ARHGAP15: variants seen among roughly 807,000 people sequenced by gnomAD.
The protein encoded by ARHGAP15 is rho GTPase-activating protein 15.
A neutral mutation model predicts 63.7 loss-of-function variants in ARHGAP15; 51 were observed. The ratio of observed to expected loss-of-function variants is 0.80; its 90% CI spans 0.64 to 1.01. The LOEUF (loss-of-function observed/expected upper bound fraction) is 1.01, where lower values mean the gene tolerates loss of function less well. Among genes scored for constraint, ARHGAP15 ranks in the 50% least tolerant of loss-of-function variants. The probability of loss-of-function intolerance (pLI) is 0.00; values close to 1 mark genes in which losing one functional copy is unlikely to be tolerated. For missense variants in ARHGAP15, 560 were observed against 564.6 expected, an observed-to-expected ratio of 0.99 and a Z score of 0.08; for synonymous variants, 191 against 193.8, an observed-to-expected ratio of 0.99 and a Z score of 0.12.
intron 9 of ARHGAP15, among the ~76,000 whole-genome samples, chr2:143,506,597 C>T (rs1344480548): frequency 6.6e-6 from 1 of 152,070 alleles, no homozygotes; most frequent in Non-Finnish European, 1.5e-5. Flanking sequence ...CTTTGCTGGC[C>T]CTCTCTGTAA....
At chr2:143,277,060 T>C (rs1197485377) in intron 6 of ARHGAP15, among the ~76,000 whole-genome samples, 1 of 152,148 alleles carries the variant, frequency 6.6e-6, no homozygotes, top group African/African-American at 2.4e-5. Context: ...TTGTCTTGTT[T>C]CTGTTGCTGT....
intron 8 of ARHGAP15, among the ~76,000 whole-genome samples, chr2:143,474,732 C>T (rs889175363): frequency 6.6e-6 from 1 of 152,216 alleles, no homozygotes; most frequent in African/African-American, 2.4e-5. Flanking sequence ...TAGGCGCATT[C>T]ACTCCATGCT....
At chr2:143,329,916 C>T (rs1271337676) in intron 6 of ARHGAP15, among the ~76,000 whole-genome samples, 1 of 131,832 alleles carries the variant, frequency 7.6e-6, no homozygotes, top group Non-Finnish European at 1.6e-5. Flanking sequence ...GCCCTCCAAC[C>T]CCCATCACTA....
chr2:143,287,887 C>CA (rs989770565), intron 6 of ARHGAP15, among the ~76,000 whole-genome samples: 3 of 152,178 alleles, frequency 2.0e-5, no homozygotes, highest in African/African-American at 7.2e-5. Flanking sequence ...AGACATATCT[C>CA]ACCCCTGCAG....
At chr2:143,166,806 G>T (rs116820522) in intron 2 of ARHGAP15, among the ~76,000 whole-genome samples, 6 of 152,064 alleles carry the variant, frequency 3.9e-5, no homozygotes, top group Non-Finnish European at 2.9e-5. Flanking sequence ...ACTCCCTTGC[G>T]CACTTTGACC....
intron 5 of ARHGAP15, among the ~76,000 whole-genome samples, chr2:143,240,176 T>TA (rs1278579592): frequency 1.3e-5 from 2 of 150,954 alleles, no homozygotes; most frequent in Admixed American, 6.6e-5. Context: ...ACTCTGTCTC[T>TA]AAAAAAATAA....
intron 6 of ARHGAP15, among the ~76,000 whole-genome samples, chr2:143,330,182 G>A (rs1345266917): frequency 6.9e-6 from 1 of 144,646 alleles, no homozygotes. Context: ...GGGAAAATTG[G>A]CATTAACTTC....
chr2:143,476,770 G>A (rs950085239), intron 8 of ARHGAP15, among the ~76,000 whole-genome samples: 2 of 152,186 alleles, frequency 1.3e-5, no homozygotes, highest in African/African-American at 4.8e-5. Flanking sequence ...GCAATTTACA[G>A]TACAAGAGTA....
At chr2:143,238,365 C>T (rs893112238) in intron 5 of ARHGAP15, 1 of 151,986 alleles carries the variant, frequency 6.6e-6, no homozygotes, top group Non-Finnish European at 1.5e-5. Flanking sequence ...ACAAACAACT[C>T]CATTAAAAAG....
intron 9 of ARHGAP15, among the ~76,000 whole-genome samples, chr2:143,509,826 T>C (rs1229559304): frequency 2.0e-5 from 3 of 151,822 alleles, no homozygotes; most frequent in Admixed American, 1.3e-4. Context: ...CTCGAGACCA[T>C]CCTGGCCAAA....
chr2:143,505,406 G>T (rs963082083), intron 9 of ARHGAP15, among the ~76,000 whole-genome samples: 1 of 152,152 alleles, frequency 6.6e-6, no homozygotes, highest in Non-Finnish European at 1.5e-5. Context: ...TTTGGGACAG[G>T]ATAAGGTGTT....
intron 6 of ARHGAP15, among the ~76,000 whole-genome samples, chr2:143,382,096 C>T (rs376953406): frequency 1.9e-4 from 5 of 26,692 alleles, no homozygotes; most frequent in African/African-American, 8.9e-4. Flanking sequence ...CTTCCTTCCT[C>T]CCTCCCTTTC....
intron 2 of ARHGAP15, among the ~76,000 whole-genome samples, chr2:143,172,875 C>A (rs749104680): frequency 1.1e-4 from 16 of 151,932 alleles, no homozygotes; most frequent in Non-Finnish European, 1.6e-4. Flanking sequence ...TGTCAACAAC[C>A]AACAGATGGT....
chr2:143,666,619 A>G (rs1441542941), intron 12 of ARHGAP15, among the ~76,000 whole-genome samples: 2 of 119,928 alleles, frequency 1.7e-5, no homozygotes, highest in East Asian at 2.2e-4. Flanking sequence ...AACTACCATC[A>G]GAGTGAACAG....
chr2:143,765,443 A>G (rs1686916036), intron 13 of ARHGAP15, among the ~76,000 whole-genome samples: 1 of 152,182 alleles, frequency 6.6e-6, no homozygotes, highest in South Asian at 2.1e-4. Context: ...TTAAATTTGA[A>G]GTCTCAGATA....
chr2:143,341,039 T>A (rs1256763091), intron 6 of ARHGAP15, among the ~76,000 whole-genome samples: 1 of 152,084 alleles, frequency 6.6e-6, no homozygotes, highest in East Asian at 1.9e-4. Flanking sequence ...GACTTAGTTT[T>A]GTCCATTGAT....
intron 12 of ARHGAP15, among the ~76,000 whole-genome samples, chr2:143,639,208 C>T (rs1219898647): frequency 6.6e-6 from 1 of 152,098 alleles, no homozygotes; most frequent in Admixed American, 6.6e-5. Context: ...TTGTTAAAAA[C>T]TACAATGGGA....
At chr2:143,200,837 T>A (rs1203543445) in intron 2 of ARHGAP15, among the ~76,000 whole-genome samples, 1 of 152,028 alleles carries the variant, frequency 6.6e-6, no homozygotes, top group Non-Finnish European at 1.5e-5. Context: ...ACAAGAGACT[T>A]AATAGAATGT....
chr2:143,132,627 C>A, intron 1 of ARHGAP15, among the ~76,000 whole-genome samples: 1 of 152,220 alleles, frequency 6.6e-6, no homozygotes, highest in East Asian at 1.9e-4. Context: ...AGCTCACAGG[C>A]CCACTCCTGC....
Sources: gnomAD v4.1 joint callset for allele counts (sites outside exome capture counted in the v4.1 genomes callset) on GRCh38, gnomAD v4.1.1 for gene constraint, MANE v1.5 for transcripts, NCBI Gene and HGNC (gene_info 2026-07-23, HGNC 2026-07-21) for gene names.